The following LTBP1 variants were observed in gnomAD, a reference collection of about 807,000 sequenced individuals.
LTBP1 encodes the protein latent-transforming growth factor beta-binding protein 1.
In LTBP1, 129 loss-of-function variants were observed where a neutral mutation model predicts 207.6. The ratio of observed to expected loss-of-function variants is 0.62; its 90% CI spans 0.54 to 0.72. LTBP1 has a LOEUF of 0.72. Ranked by LOEUF, LTBP1 falls within the 30% of genes least tolerant of loss-of-function variation. The pLI is 0.00. For missense variants in LTBP1, 2,281 were observed against 2,217.2 expected (o/e 1.03, Z -0.58); for synonymous variants, 963 against 833.7 (o/e 1.16, Z -2.67).
chr2:33,167,351 T>G (rs2085007047), intron 5 of LTBP1, among the ~76,000 whole-genome samples: 1 of 151,010 alleles, frequency 6.6e-6, no homozygotes, highest in South Asian at 2.1e-4. Context: ...AAAAGCCTCA[T>G]TTGTACATTC....
At chr2:33,083,173 C>A (rs897647652) in intron 3 of LTBP1, among the ~76,000 whole-genome samples, 3 of 151,930 alleles carry the variant, frequency 2.0e-5, no homozygotes, top group Non-Finnish European at 4.4e-5. Context: ...ACTTGCTCTA[C>A]ACATGAGAAC....
intron 5 of LTBP1, among the ~76,000 whole-genome samples, chr2:33,143,564 C>T (rs2082795484): frequency 6.6e-6 from 1 of 152,180 alleles, no homozygotes. Flanking sequence ...TGAAAAAGGA[C>T]ACCCTGGTAG....
rs184586277 is a variant in LTBP1 at position 33,178,416 on chromosome 2, A to G, written c.1202-8440A>G. ...ACAGGAAGCTATAAACAAAGTTGAG[A>G]TGATGAATGGCCTCATCTCATCTGG... On this transcript the variant is annotated intron_variant, in intron 5 of 33. Coordinates refer to ENST00000404816, the MANE Select transcript of LTBP1 (RefSeq NM_206943.4). 1.4e-3 allele frequency among the ~76,000 whole-genome samples: 213 copies of G among 152,356 alleles called. 3 individuals carry two copies. The highest frequency in any genetic ancestry group is 4.8e-3 in the African/African-American group (200 of 41,588).
intron 2 of LTBP1, among the ~76,000 whole-genome samples, chr2:32,985,972 G>A (rs907273637): frequency 3.3e-5 from 5 of 152,050 alleles, no homozygotes; most frequent in Non-Finnish European, 5.9e-5. Flanking sequence ...GAAGGACATC[G>A]CTTATTTGAG....
chr2:33,174,615 C>A (rs2085820030), intron 5 of LTBP1, among the ~76,000 whole-genome samples: 1 of 152,102 alleles, frequency 6.6e-6, no homozygotes, highest in South Asian at 2.1e-4. Context: ...CCATCCCCAT[C>A]AAGCTACCAA....
chr2:33,119,397 G>A (rs773774517), intron 4 of LTBP1, among the ~76,000 whole-genome samples: 6 of 152,076 alleles, frequency 3.9e-5, no homozygotes, highest in Non-Finnish European at 5.9e-5. Context: ...ATAGGCCCAC[G>A]CAAAATACTG....
At chr2:33,368,477 A>G (rs2095027522) in intron 31 of LTBP1, among the ~76,000 whole-genome samples, 1 of 152,240 alleles carries the variant, frequency 6.6e-6, no homozygotes, top group African/African-American at 2.4e-5. Flanking sequence ...GTAGGTACCC[A>G]TAAACAATGC....
intron 24 of LTBP1, chr2:33,317,550 C>G (rs1467074175): frequency 6.6e-6 from 1 of 152,180 alleles, no homozygotes; most frequent in African/African-American, 2.4e-5. Context: ...TGCTGCAGGA[C>G]AAAGCCAGCT....
At chr2:33,233,145 G>C (rs886963684) in intron 9 of LTBP1, among the ~76,000 whole-genome samples, 19 of 152,024 alleles carry the variant, frequency 1.2e-4, no homozygotes, top group Non-Finnish European at 1.8e-4. Context: ...TTTCCACCAT[G>C]CTTTTCTGCT....
intron 3 of LTBP1, among the ~76,000 whole-genome samples, chr2:33,055,830 A>G (rs2076968264): frequency 6.6e-6 from 1 of 152,200 alleles, no homozygotes; most frequent in Non-Finnish European, 1.5e-5. Flanking sequence ...CTTGAAGGGG[A>G]CATAACCCAT....
intron 7 of LTBP1, among the ~76,000 whole-genome samples, chr2:33,190,022 T>C (rs1243426074): frequency 2.0e-5 from 3 of 152,096 alleles, no homozygotes; most frequent in Non-Finnish European, 2.9e-5. Context: ...AGTGAGACTC[T>C]GTCTCAAAAG....
chr2:33,138,075 A>G (rs1223160896), intron 5 of LTBP1, among the ~76,000 whole-genome samples: 1 of 152,112 alleles, frequency 6.6e-6, no homozygotes, highest in Non-Finnish European at 1.5e-5. Context: ...TGCAGGTCCT[A>G]ATAGATATGT....
intron 2 of LTBP1, among the ~76,000 whole-genome samples, chr2:32,987,044 T>C (rs567272579): frequency 3.8e-4 from 58 of 152,016 alleles, no homozygotes; most frequent in East Asian, 2.5e-3. Context: ...TTATGGACTG[T>C]GGGTGCATTG....
chr2:33,121,737 C>T (rs2081135754), intron 4 of LTBP1, among the ~76,000 whole-genome samples: 1 of 152,086 alleles, frequency 6.6e-6, no homozygotes, highest in African/African-American at 2.4e-5. Flanking sequence ...TGCCTTTATT[C>T]GTCAGTCAAA....
intron 5 of LTBP1, among the ~76,000 whole-genome samples, chr2:33,138,848 C>CT (rs71409603): frequency 0.17 from 12,989 of 77,578 alleles, 3,373 homozygotes; most frequent in Non-Finnish European, 0.22. Context: ...AGTATGTTCT[C>CT]TTTTTTTTTT....
At chr2:32,973,157 A>G (rs973637358) in intron 2 of LTBP1, among the ~76,000 whole-genome samples, 1 of 151,964 alleles carries the variant, frequency 6.6e-6, no homozygotes, top group African/African-American at 2.4e-5. Context: ...TGTTAGGTCT[A>G]CTTGTCCAAG....
chr2:33,030,334 C>A (rs898605364), intron 3 of LTBP1, among the ~76,000 whole-genome samples: 4 of 152,152 alleles, frequency 2.6e-5, no homozygotes, highest in African/African-American at 9.7e-5. Context: ...TTCCTTACCC[C>A]CTGGGCACAA....
At chr2:33,301,735 TC>T (rs2093992258) in intron 22 of LTBP1, 91 bp downstream of exon 22, 1 of 1,203,136 alleles carries the variant, frequency 8.3e-7, no homozygotes, top group Non-Finnish European at 1.1e-6. Context: ...GAACCTCATC[TC>T]TTGATTTCAT....
intron 26 of LTBP1, among the ~76,000 whole-genome samples, chr2:33,355,409 A>G (rs75344712): frequency 1.2e-3 from 185 of 152,290 alleles, no homozygotes; most frequent in African/African-American, 4.3e-3. Flanking sequence ...CCTCCTGTAT[A>G]CATTGAATCA....
Sources: allele counts gnomAD v4.1 joint callset (sites outside exome capture counted in the v4.1 genomes callset), GRCh38; gene constraint gnomAD v4.1.1; transcripts MANE v1.5; gene names NCBI Gene and HGNC (gene_info 2026-07-23, HGNC 2026-07-21).